ZDHHC4: variants seen among roughly 807,000 people sequenced by gnomAD.
The protein encoded by ZDHHC4 is zDHHC palmitoyltransferase 4, also known as palmitoyltransferase ZDHHC4.
ZDHHC4 carries 42 observed loss-of-function variants against 36.7 expected under a neutral mutation model. The ratio of observed to expected loss-of-function variants is 1.14; its 90% CI spans 0.89 to 1.48. The LOEUF is 1.48. Ranked by LOEUF, ZDHHC4 falls within the 40% of genes most tolerant of loss-of-function variation. The pLI, the probability that ZDHHC4 is intolerant of heterozygous loss-of-function variation, is 0.00. For missense variants in ZDHHC4, 457 were observed against 421.5 expected (o/e 1.08, Z -0.74); for synonymous variants, 189 against 166.6 (o/e 1.13, Z -1.03).
intron 3 of ZDHHC4, among the ~76,000 whole-genome samples, chr7:6,581,289 T>C (rs1462184778): frequency 6.6e-6 from 1 of 152,214 alleles, no homozygotes; most frequent in African/African-American, 2.4e-5. Flanking sequence ...TGCTGGAACC[T>C]GGGATTGAAC....
intron 6 of ZDHHC4, chr7:6,584,369 G>C (rs907823170): frequency 6.6e-6 from 1 of 152,246 alleles, no homozygotes; most frequent in Non-Finnish European, 1.5e-5. Flanking sequence ...GCTATATCCA[G>C]ATATTCTTAA....
chr7:6,584,974 G>T, intron 6 of ZDHHC4, 42 bp from the exon 7 acceptor site: 1 of 1,609,226 alleles, frequency 6.2e-7, no homozygotes, highest in African/African-American at 1.3e-5. Context: ...TCCTTGTCTC[G>T]TCAAGCACCA....
chr7:6,580,732 GA>G, intron 3 of ZDHHC4, 54 bp downstream of exon 3: 1 of 1,556,562 alleles, frequency 6.4e-7, no homozygotes, highest in South Asian at 1.1e-5. Flanking sequence ...TAGTCTAAGA[GA>G]CTCACAGGTT....
intron 7 of ZDHHC4, among the ~76,000 whole-genome samples, chr7:6,585,861 A>G (rs905761379): frequency 5.3e-5 from 8 of 151,634 alleles, no homozygotes; most frequent in Non-Finnish European, 1.2e-4. Flanking sequence ...TATAAAATTC[A>G]CATATTGGGC....
chr7:6,584,937 T>G (rs1213867824), intron 6 of ZDHHC4, 79 bp from the exon 7 acceptor site: 1 of 1,569,946 alleles, frequency 6.4e-7, no homozygotes, highest in East Asian at 2.3e-5. Flanking sequence ...GTGGACAGAT[T>G]ATGAAAATCT....
chr7:6,587,490 TAACTTAC>T (rs925031728), intron 7 of ZDHHC4, among the ~76,000 whole-genome samples: 7 of 152,216 alleles, frequency 4.6e-5, no homozygotes, highest in Non-Finnish European at 8.8e-5. Context: ...ATTACAAAAA[TAACTTAC>T]AAAACTTTAA....
rs1781483171 is a variant in ZDHHC4 at position 6,589,061 on chromosome 7, G to A, written c.*151G>A. The A allele has an allele frequency of 1.1e-6, 1 of 934,400 alleles. No individual in the cohort carries two copies. The highest frequency in any genetic ancestry group is 1.6e-6 in the Non-Finnish European group (1 of 628,124). 57.9% of individuals were successfully genotyped at this position (934,400 alleles called of 1,614,324 possible). On this transcript the variant is annotated 3_prime_UTR_variant, in exon 8 of 8. Transcript: ENST00000335965. ...AGAGAGGGGAAAATGGGTGTTGACT[G>A]AGGAATCCCCCTTGCTTGTCTTCTT...
At chr7:6,577,664 G>C (rs1007157800) in intron 1 of ZDHHC4, 166 bp downstream of exon 1, 1 of 152,240 alleles carries the variant, frequency 6.6e-6, no homozygotes, top group Non-Finnish European at 1.5e-5. Context: ...TGCACTCCAC[G>C]TCCCCCTACC....
chr7:6,588,722 A>G lies in ZDHHC4; in HGVS notation c.847A>G (p.Thr283Ala), dbSNP rs1314905682. 2.5e-6 allele frequency: 4 copies of G among 1,614,192 alleles called. No individual in the cohort carries two copies. Among genetic ancestry groups the G allele is most frequent in the Non-Finnish European group, 3.4e-6 (4 of 1,180,042 alleles). Residue 283 changes from threonine (T) to alanine (A), a missense_variant, in exon 8 of 8, where the codon ACC becomes GCC. Transcript: ENST00000335965. ...GTTGTTTGTCCTGTATCTGGCGGCC[A>G]CCAACCAGACTACTAACGAGTGGTA... is the stretch of plus-strand genomic sequence containing the variant. ...YLLFVLYLAA[T>A]NQTTNEWYRG... is the part of the protein sequence containing the mutation.
chr7:6,582,285 C>CTA (rs1290557347), intron 5 of ZDHHC4, 34 bp downstream of exon 5: 1 of 1,597,006 alleles, frequency 6.3e-7, no homozygotes, highest in Non-Finnish European at 8.6e-7. Context: ...AGCATGGTGA[C>CTA]AGCTCCACTG....
At chr7:6,582,380 C>G in intron 5 of ZDHHC4, 129 bp downstream of exon 5, 1 of 917,082 alleles carries the variant, frequency 1.1e-6, no homozygotes, top group Non-Finnish European at 1.6e-6. Context: ...CATTACCTTT[C>G]AGTTTTGAGT....
intron 2 of ZDHHC4, among the ~76,000 whole-genome samples, chr7:6,580,221 G>A (rs958700422): frequency 1.3e-5 from 2 of 151,392 alleles, no homozygotes; most frequent in Non-Finnish European, 2.9e-5. Context: ...GGCTGGTCTC[G>A]AACTCCTGAG....
chr7:6,581,952 G>T (rs985466979), intron 4 of ZDHHC4, 121 bp from the exon 5 acceptor site: 1 of 1,005,778 alleles, frequency 9.9e-7, no homozygotes, highest in Non-Finnish European at 1.5e-6. Flanking sequence ...AGTTTTCTAT[G>T]TAATTCTTAC....
chr7:6,585,147 A>T lies in ZDHHC4; in HGVS notation c.628A>T (p.Ile210Phe), dbSNP rs755774912. 1 of 1,614,150 alleles carries T rather than the reference A, an allele frequency of 6.2e-7. No homozygotes were observed. Among genetic ancestry groups the T allele is most frequent in the East Asian group, 2.2e-5 (1 of 44,872 alleles). Reference sequence around the variant, plus strand: ...GACGGCCTCGGCTGCCACCGTCGCCATTGTGAGCACCACTTTTCTGGTCCA... The same window carrying T: ...GACGGCCTCGGCTGCCACCGTCGCCTTTGTGAGCACCACTTTTCTGGTCCA... ...TLTASAATVAIVSTTFLVHLV... is the reference protein window; with the variant it reads ...TLTASAATVAFVSTTFLVHLV... Residue 210 changes from isoleucine (I) to phenylalanine (F), a missense_variant, in exon 7 of 8, where the codon ATT becomes TTT. Physicochemically the swap from Ile to Phe is conservative, Grantham distance 21. Transcript: ENST00000335965.
chr7:6,587,546 C>A (rs750406892), intron 7 of ZDHHC4, among the ~76,000 whole-genome samples: 10 of 152,188 alleles, frequency 6.6e-5, no homozygotes, highest in Non-Finnish European at 1.3e-4. Context: ...TTTACGGAGT[C>A]AGTTTTGTTT....
At chr7:6,580,803 G>A (rs1280290672) in intron 3 of ZDHHC4, 125 bp downstream of exon 3, 4 of 867,848 alleles carry the variant, frequency 4.6e-6, no homozygotes, top group Non-Finnish European at 5.5e-6. Context: ...CTGTAATCCC[G>A]CTACTCAGGA....
At chr7:6,587,124 G>A (rs1472749930) in intron 7 of ZDHHC4, among the ~76,000 whole-genome samples, 1 of 150,042 alleles carries the variant, frequency 6.7e-6, no homozygotes, top group Admixed American at 6.7e-5. Flanking sequence ...AGCTCACTAT[G>A]ACCTGGACCT....
chr7:6,580,861 A>G, intron 3 of ZDHHC4, 183 bp downstream of exon 3: 2 of 608,898 alleles, frequency 3.3e-6, no homozygotes, highest in Non-Finnish European at 5.8e-6. Flanking sequence ...AGTTGCCATG[A>G]GCTATGATCA....
In ZDHHC4 at chr7:6,580,504, G is replaced by A. The variant is rs1780765449; in HGVS notation, c.-7-51G>A. On this transcript the variant is annotated intron_variant, in intron 2 of 7. Coordinates refer to ENST00000335965, the MANE Select transcript of ZDHHC4 (RefSeq NM_001134389.2). ...GTTGATGTCTGAGAATGTGTGCCATGGAAGAAACCTTTCAGTAGCAGATAG... is the reference window on the plus strand; with the variant it reads ...GTTGATGTCTGAGAATGTGTGCCATAGAAGAAACCTTTCAGTAGCAGATAG... 3 of 1,485,432 alleles carry A rather than the reference G, an allele frequency of 2.0e-6. No homozygotes were observed. In the East Asian group the frequency reaches 6.8e-5, roughly 34 times the overall value. 92.0% of individuals were successfully genotyped at this position (1,485,432 alleles called of 1,614,324 possible).
Sources: allele counts gnomAD v4.1 joint callset (sites outside exome capture counted in the v4.1 genomes callset), GRCh38; gene constraint gnomAD v4.1.1; transcripts MANE v1.5; gene names NCBI Gene and HGNC (gene_info 2026-07-23, HGNC 2026-07-21).